SNX29: variants seen among roughly 807,000 people sequenced by gnomAD.
The protein encoded by SNX29 is sorting nexin-29.
In SNX29, 78 loss-of-function variants were observed where a neutral mutation model predicts 102.1. The observed-to-expected ratio is 0.76, with a 90% CI of 0.64 to 0.92. The LOEUF is 0.92. Ranked by LOEUF, SNX29 falls within the 40% of genes least tolerant of loss-of-function variation. SNX29 has a pLI of 0.00. For missense variants in SNX29, 1,280 were observed against 1,061.7 expected, an observed-to-expected ratio of 1.21 and a Z score of -2.86; for synonymous variants, 580 against 414.5, an observed-to-expected ratio of 1.40 and a Z score of -4.85.
Position 12,176,361 on chromosome 16 carries a change from G to A in SNX29, c.1596-23240G>A, listed in dbSNP as rs187428058. Among the ~76,000 whole-genome samples, 6 of 152,204 alleles carry A rather than the reference G, an allele frequency of 3.9e-5. No homozygotes were observed. In the East Asian group the frequency reaches 5.8e-4, roughly 15 times the overall value. Reference sequence around the variant, plus strand: ...CTTTAGACAAGCTGATAACCTTTCCGTGCCCCGGTTTCCATTTATGTGAAA... The same window carrying A: ...CTTTAGACAAGCTGATAACCTTTCCATGCCCCGGTTTCCATTTATGTGAAA... On this transcript the variant is annotated intron_variant, in intron 13 of 20. Coordinates refer to ENST00000566228, the MANE Select transcript of SNX29 (RefSeq NM_032167.5).
intron 11 of SNX29, among the ~76,000 whole-genome samples, chr16:12,117,406 G>A (rs1270665684): frequency 6.8e-6 from 1 of 147,036 alleles, no homozygotes; most frequent in African/African-American, 2.5e-5. Flanking sequence ...TGGTCAATAC[G>A]TGCTTCAATG....
chr16:12,133,515 T>A (rs2054551460), intron 13 of SNX29, among the ~76,000 whole-genome samples: 4 of 152,108 alleles, frequency 2.6e-5, no homozygotes, highest in African/African-American at 9.6e-5. Context: ...GGTTTCAAAC[T>A]CCTGGGCTCA....
chr16:12,255,580 C>T (rs2078548151), intron 14 of SNX29, among the ~76,000 whole-genome samples: 2 of 149,412 alleles, frequency 1.3e-5, no homozygotes, highest in South Asian at 4.2e-4. Flanking sequence ...CACCATTCTG[C>T]TCTCTGCTTC....
intron 18 of SNX29, among the ~76,000 whole-genome samples, chr16:12,450,825 T>C (rs1257474045): frequency 6.6e-6 from 1 of 151,988 alleles, no homozygotes; most frequent in Non-Finnish European, 1.5e-5. Flanking sequence ...CAGGGACCAT[T>C]TGGAGGTCCT....
chr16:12,361,154 C>CT (rs2082288868), intron 16 of SNX29, among the ~76,000 whole-genome samples: 1 of 152,188 alleles, frequency 6.6e-6, no homozygotes, highest in Non-Finnish European at 1.5e-5. Context: ...GGAGGCCTGG[C>CT]TGTGACCTGT....
chr16:12,331,827 C>A (rs1379174448), intron 15 of SNX29, among the ~76,000 whole-genome samples: 2 of 152,186 alleles, frequency 1.3e-5, no homozygotes, highest in Non-Finnish European at 2.9e-5. Flanking sequence ...GCTGGGATTA[C>A]AAGTGTGAGC....
At chr16:12,289,834 G>GT (rs2079732512) in intron 15 of SNX29, among the ~76,000 whole-genome samples, 1 of 152,050 alleles carries the variant, frequency 6.6e-6, no homozygotes, top group Non-Finnish European at 1.5e-5. Flanking sequence ...AGAAGGAGTC[G>GT]TGTGGCCTTG....
chr16:12,499,855 T>G (rs1053265569), intron 19 of SNX29, among the ~76,000 whole-genome samples: 1 of 152,116 alleles, frequency 6.6e-6, no homozygotes, highest in Non-Finnish European at 1.5e-5. Context: ...TTTGTATTTT[T>G]TTGTAGAGAC....
chr16:12,476,671 C>T (rs1190592416), intron 18 of SNX29, among the ~76,000 whole-genome samples: 4 of 151,540 alleles, frequency 2.6e-5, no homozygotes, highest in Non-Finnish European at 4.4e-5. Flanking sequence ...CATCTCACTC[C>T]ATCGGAAACA....
chr16:12,378,294 G>A (rs558067280), intron 16 of SNX29, among the ~76,000 whole-genome samples: 6 of 152,272 alleles, frequency 3.9e-5, no homozygotes, highest in East Asian at 1.9e-4. Context: ...AGATCACATC[G>A]ATAAGAGTGA....
At chr16:12,163,447 G>A (rs2055879696) in intron 13 of SNX29, among the ~76,000 whole-genome samples, 1 of 152,138 alleles carries the variant, frequency 6.6e-6, no homozygotes, top group East Asian at 1.9e-4. Flanking sequence ...GAGCTCAAGT[G>A]GACAGAGGCC....
At chr16:12,422,821 A>G (rs1250110802) in intron 18 of SNX29, among the ~76,000 whole-genome samples, 1 of 152,036 alleles carries the variant, frequency 6.6e-6, no homozygotes, top group African/African-American at 2.4e-5. Flanking sequence ...TGACAATTTC[A>G]CTTTTGTGAA....
intron 20 of SNX29, among the ~76,000 whole-genome samples, chr16:12,552,888 G>A (rs913771938): frequency 4.6e-5 from 7 of 152,264 alleles, no homozygotes; most frequent in African/African-American, 1.7e-4. Flanking sequence ...CATGGACATG[G>A]AGGCAGGAGA....
chr16:12,354,894 C>T (rs2082088613), intron 15 of SNX29, among the ~76,000 whole-genome samples: 1 of 152,216 alleles, frequency 6.6e-6, no homozygotes, highest in East Asian at 1.9e-4. Flanking sequence ...TTGTTAATTG[C>T]ATGGTTCTTG....
intron 20 of SNX29, among the ~76,000 whole-genome samples, chr16:12,551,062 G>C (rs535571126): frequency 6.6e-6 from 1 of 152,124 alleles, no homozygotes; most frequent in Non-Finnish European, 1.5e-5. Context: ...AGGAAGTGGG[G>C]TGTTTTCATC....
intron 19 of SNX29, among the ~76,000 whole-genome samples, chr16:12,480,762 G>C (rs971472532): frequency 2.3e-4 from 35 of 152,342 alleles, no homozygotes; most frequent in Non-Finnish European, 8.8e-5. Context: ...TTAGTGAGAT[G>C]AGGCTGAGCT....
chr16:12,166,076 AT>A (rs1234685412), intron 13 of SNX29, among the ~76,000 whole-genome samples: 2 of 152,394 alleles, frequency 1.3e-5, no homozygotes, highest in South Asian at 4.1e-4. Context: ...TGGTAGTAGT[AT>A]TAACAGTAGT....
intron 16 of SNX29, among the ~76,000 whole-genome samples, chr16:12,370,069 A>G (rs2082627449): frequency 6.6e-6 from 1 of 151,616 alleles, no homozygotes; most frequent in South Asian, 2.1e-4. Context: ...AAAAATACGA[A>G]AAAGTAACTG....
chr16:12,037,091 A>T (rs1258275805), intron 4 of SNX29, among the ~76,000 whole-genome samples: 2 of 152,110 alleles, frequency 1.3e-5, no homozygotes, highest in African/African-American at 4.8e-5. Context: ...TTCCAGGATG[A>T]TGAGAGATCC....
Sources: allele counts gnomAD v4.1 joint callset (sites outside exome capture counted in the v4.1 genomes callset), GRCh38; gene constraint gnomAD v4.1.1; transcripts MANE v1.5; gene names NCBI Gene and HGNC (gene_info 2026-07-23, HGNC 2026-07-21).